Variants in PALS2 observed in about 807,000 individuals in gnomAD.
PALS2 encodes protein PALS2.
Under a neutral mutation model 61.6 loss-of-function variants are expected in PALS2, and 27 were observed. The ratio of observed to expected loss-of-function variants is 0.44; its 90% CI spans 0.32 to 0.60. The LOEUF (loss-of-function observed/expected upper bound fraction) is 0.60. Ranked by LOEUF, PALS2 falls within the 20% of genes least tolerant of loss-of-function variation. The pLI is 0.05. For synonymous variants in PALS2, 236 were observed against 218.6 expected, an observed-to-expected ratio of 1.08 and a Z score of -0.70; for missense variants, 554 against 639.4, an observed-to-expected ratio of 0.87 and a Z score of 1.44.
At chr7:24,640,231 A>G (rs1220924604) in intron 2 of PALS2, among the ~76,000 whole-genome samples, 5 of 151,208 alleles carry the variant, frequency 3.3e-5, no homozygotes, top group African/African-American at 4.9e-5. Flanking sequence ...ATTTCATATG[A>G]CTTTTAGAAT....
chr7:24,581,969 T>C (rs1782862345), intron 1 of PALS2, among the ~76,000 whole-genome samples: 1 of 152,230 alleles, frequency 6.6e-6, no homozygotes, highest in South Asian at 2.1e-4. Context: ...TTTCTTTAAG[T>C]ATGTGTCTTT....
At chr7:24,677,241 A>G (rs1283423801) in intron 9 of PALS2, among the ~76,000 whole-genome samples, 1 of 152,152 alleles carries the variant, frequency 6.6e-6, no homozygotes, top group African/African-American at 2.4e-5. Flanking sequence ...GACTTTGCTG[A>G]AGTTGCTTAT....
At chr7:24,598,390 A>G (rs756142046) in intron 1 of PALS2, among the ~76,000 whole-genome samples, 4 of 152,348 alleles carry the variant, frequency 2.6e-5, no homozygotes, top group African/African-American at 7.2e-5. Context: ...TGAAGGGCTA[A>G]CAAGGATATC....
intron 1 of PALS2, among the ~76,000 whole-genome samples, chr7:24,594,638 G>C (rs56179013): frequency 0.067 from 10,153 of 152,100 alleles, 404 homozygotes; most frequent in African/African-American, 0.11. Flanking sequence ...GTTGGTAGAC[G>C]AGTCAGAACA....
At chr7:24,628,776 A>G (rs186586756) in intron 2 of PALS2, among the ~76,000 whole-genome samples, 1 of 152,264 alleles carries the variant, frequency 6.6e-6, no homozygotes, top group Non-Finnish European at 1.5e-5. Flanking sequence ...ACCTAGGAAT[A>G]CAACTTACAA....
chr7:24,631,798 T>C (rs2190440), intron 2 of PALS2, among the ~76,000 whole-genome samples: 3 of 152,246 alleles, frequency 2.0e-5, no homozygotes, highest in East Asian at 3.8e-4. Context: ...TTTGACTCTG[T>C]GAAGGCTCTG....
intron 8 of PALS2, 38 bp from the exon 9 acceptor site, chr7:24,668,461 A>G: frequency 6.4e-7 from 1 of 1,565,036 alleles, no homozygotes. Flanking sequence ...CATGTATATA[A>G]AAGTTGACTT....
At chr7:24,648,225 C>G (rs947661456) in intron 3 of PALS2, among the ~76,000 whole-genome samples, 6 of 151,852 alleles carry the variant, frequency 4.0e-5, no homozygotes, top group Non-Finnish European at 8.8e-5. Flanking sequence ...TGAATTCTAT[C>G]CAGCCCCTCA....
intron 1 of PALS2, chr7:24,597,022 A>G (rs747709097): frequency 5.3e-5 from 8 of 152,198 alleles, no homozygotes; most frequent in Non-Finnish European, 1.0e-4. Context: ...TTCTGAGATT[A>G]TAAGCATCAG....
chr7:24,617,986 C>T (rs1297153561), intron 1 of PALS2, among the ~76,000 whole-genome samples: 1 of 152,184 alleles, frequency 6.6e-6, no homozygotes, highest in East Asian at 1.9e-4. Context: ...AGGTTCTGGG[C>T]TGGGTGCACA....
intron 3 of PALS2, among the ~76,000 whole-genome samples, chr7:24,644,441 T>C (rs1562637163): frequency 6.6e-6 from 1 of 152,186 alleles, no homozygotes. Flanking sequence ...CATGATCTCA[T>C]TTTTATGGCT....
chr7:24,623,674 C>G lies in PALS2; in HGVS notation c.7C>G (p.Gln3Glu). 1 of 1,570,024 alleles carries G rather than the reference C, an allele frequency of 6.4e-7. No homozygotes were observed. The highest frequency in any genetic ancestry group is 8.6e-7 in the Non-Finnish European group (1 of 1,158,700). The change falls in exon 2 of 12, where the codon CAA becomes GAA. Residue 3 changes from glutamine (Q) to glutamate (E), a missense_variant. Coordinates refer to ENST00000222644, the MANE Select transcript of PALS2 (RefSeq NM_001303037.2). ...TGCTTTTATCTCAGCAGCAATGCAG[C>G]AAGTCTTGGAAAACCTTACGGAGCT... MQ[Q>E]VLENLTELPS... is the part of the protein sequence containing the mutation.
At chr7:24,651,893 T>G (rs1786171574) in intron 5 of PALS2, among the ~76,000 whole-genome samples, 1 of 152,232 alleles carries the variant, frequency 6.6e-6, no homozygotes, top group Non-Finnish European at 1.5e-5. Flanking sequence ...TAAACTGTTC[T>G]TTCAAAGGTA....
rs193085612 is a variant in PALS2, at chr7:24,683,789, G to T, written c.1446+3269G>T. The stretch of plus-strand genomic sequence containing the variant: ...ATGCTTTTCTGTTTGTATATTTGAA[G>T]GAAAATATATCATGAATTTATTCTG... On this transcript the variant is annotated intron_variant, in intron 11 of 11. Transcript: ENST00000222644. Among the ~76,000 whole-genome samples the T allele has an allele frequency of 3.8e-3, 573 of 151,996 alleles. 3 individuals carry two copies. Among genetic ancestry groups the T allele is most frequent in the Middle Eastern group, 0.024 (7 of 294 alleles).
chr7:24,595,431 T>G (rs916945648), intron 1 of PALS2, among the ~76,000 whole-genome samples: 3 of 140,820 alleles, frequency 2.1e-5, no homozygotes, highest in African/African-American at 7.9e-5. Flanking sequence ...ATATAAAAAA[T>G]ATATAAAATA....
chr7:24,648,313 A>T (rs1785950465), intron 3 of PALS2, among the ~76,000 whole-genome samples: 1 of 132,734 alleles, frequency 7.5e-6, no homozygotes. Context: ...TTTTTTTGAG[A>T]CAGAGTTTCA....
chr7:24,614,657 A>G lies in PALS2; in HGVS notation c.-2-9009A>G, dbSNP rs138986176. Among the ~76,000 whole-genome samples, 14 of 152,134 alleles carry G rather than the reference A, an allele frequency of 9.2e-5. No homozygotes were observed. In the East Asian group the frequency reaches 1.9e-3, roughly 21 times the overall value. On this transcript the variant is annotated intron_variant, in intron 1 of 11. Coordinates refer to ENST00000222644, the MANE Select transcript of PALS2 (RefSeq NM_001303037.2). ...TAATAGTTGGAAACTTCAGCATCCCATTCTCAGCATTGGACAGATCACCTA... is the reference window on the plus strand; with the variant it reads ...TAATAGTTGGAAACTTCAGCATCCCGTTCTCAGCATTGGACAGATCACCTA...
intron 2 of PALS2, among the ~76,000 whole-genome samples, chr7:24,633,478 C>A (rs1427152453): frequency 7.6e-6 from 1 of 131,034 alleles, no homozygotes; most frequent in Non-Finnish European, 1.6e-5. Context: ...CCCCCCCCAC[C>A]CCGATGTTTC....
chr7:24,608,926 T>G (rs1489806680), intron 1 of PALS2, among the ~76,000 whole-genome samples: 4 of 152,174 alleles, frequency 2.6e-5, no homozygotes, highest in Non-Finnish European at 5.9e-5. Flanking sequence ...GATTTAAATT[T>G]GACAATAATG....
Sources: gnomAD v4.1 joint callset for allele counts (sites outside exome capture counted in the v4.1 genomes callset) on GRCh38, gnomAD v4.1.1 for gene constraint, MANE v1.5 for transcripts, NCBI Gene and HGNC (gene_info 2026-07-23, HGNC 2026-07-21) for gene names.